The following ATP2A2 variants were observed in gnomAD, a reference collection of about 807,000 sequenced individuals.
ATP2A2 encodes ATPase sarcoplasmic/endoplasmic reticulum Ca2+ transporting 2.
A neutral mutation model predicts 109.3 loss-of-function variants in ATP2A2; 14 were observed. That is an observed-to-expected ratio of 0.13 (90% CI 0.08 to 0.20). The LOEUF (loss-of-function observed/expected upper bound fraction) is 0.20. ATP2A2 is among the 10% of genes least tolerant of loss of function. ATP2A2 has a pLI of 1.00. For missense variants in ATP2A2, 657 were observed against 1,321.6 expected, an observed-to-expected ratio of 0.50 and a Z score of 7.80; for synonymous variants, 506 against 490.9, an observed-to-expected ratio of 1.03 and a Z score of -0.41.
Position 110,332,671 on chromosome 12 carries a change from A to C in ATP2A2, c.1170A>C (p.Ala390=), listed in dbSNP as rs752044624. ...TTACCATAACTGGATCAACTTATGC[A>C]CCTATTGGAGAAGTGTGAGTAACCC... The part of the protein sequence containing the change: ...NEFTITGSTY[A]PIGEVHKDDK... Residue 390 remains alanine, a synonymous_variant, in exon 9 of 20, where the codon GCA becomes GCC. Transcript: ENST00000539276. 25 of 1,611,606 alleles carry C rather than the reference A, an allele frequency of 1.6e-5. No individual in the cohort carries two copies. Among genetic ancestry groups the C allele is most frequent in the Non-Finnish European group, 2.0e-5 (23 of 1,177,830 alleles).
chr12:110,343,480 G>C lies in ATP2A2; in HGVS notation c.2521+46G>C, dbSNP rs755849867. 3.7e-6 allele frequency: 6 copies of C among 1,603,534 alleles called. No homozygotes were observed. The South Asian group carries it at 5.5e-5, about 15-fold the overall frequency. On this transcript the variant is annotated intron_variant, in intron 16 of 19. Coordinates refer to ENST00000539276, the MANE Select transcript of ATP2A2 (RefSeq NM_170665.4). The stretch of plus-strand genomic sequence containing the variant: ...TTACTGATTTTTAAACAAAATGTTT[G>C]TGAGCTGAAATTTTGTAAATTCATC...
intron 5 of ATP2A2, among the ~76,000 whole-genome samples, chr12:110,305,517 C>T (rs892059315): frequency 2.6e-5 from 4 of 152,342 alleles, no homozygotes; most frequent in Admixed American, 1.3e-4. Flanking sequence ...AAGATTTCTT[C>T]ACTAATTTGT....
chr12:110,319,509 C>T (rs914877022), intron 5 of ATP2A2, among the ~76,000 whole-genome samples: 2 of 151,024 alleles, frequency 1.3e-5, no homozygotes, highest in South Asian at 2.1e-4. Context: ...AATACAGTTT[C>T]TGCACAGCAA....
chr12:110,335,798 T>C lies in ATP2A2; in HGVS notation c.1419+1655T>C, dbSNP rs116586246. ...CAGCCAGGGAGGAGCAGAAGGAGCT[T>C]AGGGACGTAAGTCAGGCTCTCAAAG... On this transcript the variant is annotated intron_variant, in intron 11 of 19. Coordinates refer to ENST00000539276, the MANE Select transcript of ATP2A2 (RefSeq NM_170665.4). 6.1e-3 allele frequency among the ~76,000 whole-genome samples: 930 copies of C among 152,246 alleles called. 16 individuals carry two copies. The highest frequency in any genetic ancestry group is 0.021 in the African/African-American group (859 of 41,532).
At position 110,340,495 on chromosome 12, in the gene ATP2A2, G is replaced by A. The variant is rs529816520; in HGVS notation, c.1762-164G>A. Among the ~76,000 whole-genome samples the A allele has an allele frequency of 1.3e-4, 19 of 149,828 alleles. No individual in the cohort carries two copies. Among genetic ancestry groups the A allele is most frequent in the Non-Finnish European group, 2.5e-4 (17 of 67,738 alleles). ...GGAGGTCGCAGTGAGCTGAGATTGC[G>A]CCATGGCACTCCAGCCTGGGCAACA... On this transcript the variant is annotated intron_variant, in intron 13 of 19. Transcript: ENST00000539276. This position sits in a 1 kb window ranked among gnomAD's most constrained non-coding sequence, Gnocchi z 6.0.
chr12:110,306,877 C>T lies in ATP2A2; in HGVS notation c.463+10140C>T, dbSNP rs145290379. ...TTGTGAGTTCAGGCCATCCTCCCAC[C>T]TCAGCCTCCTTGTAGCTGGAACTAC... On this transcript the variant is annotated intron_variant, in intron 5 of 19. Coordinates refer to ENST00000539276, the MANE Select transcript of ATP2A2 (RefSeq NM_170665.4). Among the ~76,000 whole-genome samples, 1,044 of 152,196 alleles carry T rather than the reference C, an allele frequency of 6.9e-3. 1 individual carries two copies. The highest frequency in any genetic ancestry group is 9.5e-3 in the Non-Finnish European group (643 of 68,014).
At chr12:110,298,531 A>C (rs566692760) in intron 5 of ATP2A2, among the ~76,000 whole-genome samples, 5 of 152,322 alleles carry the variant, frequency 3.3e-5, no homozygotes, top group Non-Finnish European at 2.9e-5. Flanking sequence ...TATCCTGGCC[A>C]AAATGGTGAA....
intron 1 of ATP2A2, 85 bp from the exon 2 acceptor site, chr12:110,282,518 GA>G: frequency 2.0e-6 from 3 of 1,525,498 alleles, no homozygotes; most frequent in Non-Finnish European, 2.7e-6. Context: ...GTTCTTTTTA[GA>G]AAAACGAAGT....
At chr12:110,329,029 G>C (rs1248245648) in intron 8 of ATP2A2, among the ~76,000 whole-genome samples, 4 of 152,184 alleles carry the variant, frequency 2.6e-5, no homozygotes, top group Admixed American at 1.3e-4. Context: ...TCATCTCTCT[G>C]TATTCATTAG....
intron 3 of ATP2A2, among the ~76,000 whole-genome samples, chr12:110,287,903 A>T (rs767078255): frequency 7.2e-5 from 11 of 151,882 alleles, no homozygotes; most frequent in Non-Finnish European, 1.6e-4. Flanking sequence ...GACATGAGCC[A>T]CCTCACCCAG....
chr12:110,318,510 G>T (rs562692987), intron 5 of ATP2A2, among the ~76,000 whole-genome samples: 1 of 152,190 alleles, frequency 6.6e-6, no homozygotes, highest in African/African-American at 2.4e-5. Context: ...ATGGAGTCTC[G>T]CCCTTTCACC....
chr12:110,294,612 G>A (rs1873765768), intron 4 of ATP2A2, among the ~76,000 whole-genome samples: 1 of 152,032 alleles, frequency 6.6e-6, no homozygotes, highest in South Asian at 2.1e-4. Flanking sequence ...TGATGCCACT[G>A]CACTCGAGCC....
chr12:110,292,260 C>A, intron 4 of ATP2A2, 136 bp downstream of exon 4: 1 of 733,234 alleles, frequency 1.4e-6, no homozygotes, highest in South Asian at 1.5e-5. Flanking sequence ...TGTATTTTCC[C>A]TTTATTCCAT....
chr12:110,314,657 C>G (rs938780065), intron 5 of ATP2A2, among the ~76,000 whole-genome samples: 2 of 152,104 alleles, frequency 1.3e-5, no homozygotes, highest in African/African-American at 4.8e-5. Flanking sequence ...TAATAGATCC[C>G]TCCTTAGAGT....
At position 110,348,248 on chromosome 12, in the gene ATP2A2, G is replaced by GCCACTTCC. The variant is rs2137882162; in HGVS notation, c.*1784_*1791dup. On this transcript the variant is annotated 3_prime_UTR_variant, in exon 20 of 20. Coordinates refer to ENST00000539276, the MANE Select transcript of ATP2A2 (RefSeq NM_170665.4). ...GTATCGATAGGTTCGTCTTAAATAGGCCACTTCCCCACTCCCCCACCCCCC... is the reference window on the plus strand; with the variant it reads ...GTATCGATAGGTTCGTCTTAAATAGGCCACTTCCCCACTTCCCCACTCCCCCACCCCCC... 1 of 985,334 alleles carries GCCACTTCC rather than the reference G, an allele frequency of 1.0e-6. No homozygotes were observed. Among genetic ancestry groups the GCCACTTCC allele is most frequent in the East Asian group, 1.1e-4 (1 of 8,810 alleles). 61.0% of individuals were successfully genotyped at this position (985,334 alleles called of 1,614,324 possible).
chr12:110,303,750 A>G (rs929433232), intron 5 of ATP2A2, among the ~76,000 whole-genome samples: 3 of 152,058 alleles, frequency 2.0e-5, no homozygotes, highest in African/African-American at 7.2e-5. Context: ...TAGTAGAGGC[A>G]GAGTTTGGCC....
chr12:110,349,910 G>T lies in ATP2A2; in HGVS notation c.*3440G>T. The T allele has an allele frequency of 8.9e-7, 1 of 1,117,562 alleles. No individual in the cohort carries two copies. The allele number at this position is 1,117,562 out of a possible 1,614,324, so 69.2% of individuals were successfully genotyped here. A position where few individuals can be genotyped will look rare whatever the true frequency, so the allele number is the denominator to read the frequency against. On this transcript the variant is annotated 3_prime_UTR_variant, in exon 20 of 20. Coordinates refer to ENST00000539276, the MANE Select transcript of ATP2A2 (RefSeq NM_170665.4). ...GGTGCCCACAGGGCAGGGACAGGAAGGCTGTGCTGCTACTGGCTGCTCACT... is the reference window on the plus strand; with the variant it reads ...GGTGCCCACAGGGCAGGGACAGGAATGCTGTGCTGCTACTGGCTGCTCACT...
At chr12:110,334,775 A>G (rs949277322) in intron 11 of ATP2A2, among the ~76,000 whole-genome samples, 1 of 151,806 alleles carries the variant, frequency 6.6e-6, no homozygotes, top group African/African-American at 2.4e-5. Context: ...TTTTCGTAGA[A>G]AGGGGTTTCA....
intron 5 of ATP2A2, among the ~76,000 whole-genome samples, chr12:110,315,157 C>T (rs745327975): frequency 2.6e-5 from 4 of 152,132 alleles, no homozygotes; most frequent in East Asian, 1.9e-4. Context: ...TGAGCCATCG[C>T]GCCCGGCAAT....
Sources: allele counts gnomAD v4.1 joint callset (sites outside exome capture counted in the v4.1 genomes callset), GRCh38; gene constraint gnomAD v4.1.1; non-coding constraint Gnocchi (gnomAD v3.1); transcripts MANE v1.5; gene names NCBI Gene and HGNC (gene_info 2026-07-23, HGNC 2026-07-21).